Variants in PTPRT observed in about 807,000 individuals in gnomAD.
PTPRT encodes protein tyrosine phosphatase receptor type T.
A neutral mutation model predicts 176.8 loss-of-function variants in PTPRT; 56 were observed. The ratio of observed to expected loss-of-function variants is 0.32; its 90% CI spans 0.26 to 0.40. The LOEUF is 0.40. PTPRT is among the 10% of genes least tolerant of loss of function. The pLI, the probability that PTPRT is intolerant of heterozygous loss-of-function variation, is 1.00. For missense variants in PTPRT, 1,540 were observed against 1,908.2 expected (o/e 0.81, Z 3.60); for synonymous variants, 783 against 739.0 (o/e 1.06, Z -0.96).
intron 7 of PTPRT, among the ~76,000 whole-genome samples, chr20:42,535,930 C>T (rs555503838): frequency 6.6e-6 from 1 of 152,258 alleles, no homozygotes; most frequent in South Asian, 2.1e-4. Context: ...ATCCTGAGTT[C>T]AGTGACCTCA....
rs753107257 is a variant in PTPRT at position 42,098,412 on chromosome 20, T to G, written c.3846+9A>C. The stretch of plus-strand genomic sequence containing the variant: ...GACCCACCTAGGGCTTGGCTTGGCC[T>G]CCTCCTACCTGGGCAGTGTCCATCT... On this transcript the variant is annotated intron_variant, in intron 27 of 30. Transcript: ENST00000373187. 4 of 1,613,864 alleles carry G rather than the reference T, an allele frequency of 2.5e-6. No individual in the cohort carries two copies. The South Asian group carries it at 4.4e-5, about 18-fold the overall frequency.
At chr20:42,660,739 T>C (rs1255435705) in intron 7 of PTPRT, among the ~76,000 whole-genome samples, 2 of 152,202 alleles carry the variant, frequency 1.3e-5, no homozygotes, top group African/African-American at 4.8e-5. Flanking sequence ...TAACGATCCC[T>C]GGGGAGTATA....
intron 1 of PTPRT, among the ~76,000 whole-genome samples, chr20:43,090,425 G>A (rs575560546): frequency 8.1e-4 from 123 of 152,070 alleles, no homozygotes; most frequent in Non-Finnish European, 1.4e-3. Flanking sequence ...CCGCCACCAC[G>A]CCTGGCTAAT....
At chr20:42,278,845 T>C (rs761379404) in intron 13 of PTPRT, among the ~76,000 whole-genome samples, 13 of 152,074 alleles carry the variant, frequency 8.5e-5, no homozygotes, top group Non-Finnish European at 1.5e-4. Context: ...TCTAAGTCCC[T>C]ACCCCAAGCT....
intron 9 of PTPRT, among the ~76,000 whole-genome samples, chr20:42,431,398 G>A (rs906453954): frequency 4.0e-5 from 6 of 151,788 alleles, no homozygotes; most frequent in African/African-American, 7.3e-5. Context: ...AGAAAATTAC[G>A]GTATATACAC....
chr20:42,448,071 T>G, intron 9 of PTPRT, 149 bp downstream of exon 9: 1 of 675,336 alleles, frequency 1.5e-6, no homozygotes, highest in Non-Finnish European at 2.6e-6. Flanking sequence ...TGCCATTATG[T>G]TTGCACCCCA....
chr20:42,475,846 T>C (rs1052726787), intron 7 of PTPRT, among the ~76,000 whole-genome samples: 2 of 152,168 alleles, frequency 1.3e-5, no homozygotes, highest in African/African-American at 2.4e-5. Flanking sequence ...AAGACAAGGA[T>C]ATCGTGATCT....
At chr20:42,640,551 G>C (rs1038211641) in intron 7 of PTPRT, among the ~76,000 whole-genome samples, 5 of 151,968 alleles carry the variant, frequency 3.3e-5, no homozygotes, top group Non-Finnish European at 7.4e-5. Context: ...ACCATGCCCA[G>C]CTAATTTTTT....
intron 15 of PTPRT, among the ~76,000 whole-genome samples, chr20:42,231,662 G>A (rs748857818): frequency 5.3e-5 from 8 of 152,096 alleles, no homozygotes; most frequent in Non-Finnish European, 1.0e-4. Flanking sequence ...GCAAGAATTG[G>A]CAAACTGTGA....
chr20:42,539,282 A>C (rs1045571902), intron 7 of PTPRT, among the ~76,000 whole-genome samples: 4 of 152,024 alleles, frequency 2.6e-5, no homozygotes, highest in Admixed American at 2.6e-4. Flanking sequence ...ATCACCAGGG[A>C]ATTATGTGAA....
chr20:42,208,098 A>G (rs2055519852), intron 15 of PTPRT, among the ~76,000 whole-genome samples: 1 of 130,040 alleles, frequency 7.7e-6, no homozygotes, highest in Non-Finnish European at 1.6e-5. Flanking sequence ...ATGCTGAGAG[A>G]TTTTGTCACC....
chr20:42,780,179 A>C (rs964506648), intron 4 of PTPRT, 39 bp downstream of exon 4: 1 of 1,526,388 alleles, frequency 6.6e-7, no homozygotes, highest in African/African-American at 1.4e-5. Flanking sequence ...CCAGTCTGGC[A>C]TGGATCAAGG....
chr20:42,981,134 A>G (rs1872190260), intron 1 of PTPRT, among the ~76,000 whole-genome samples: 1 of 152,248 alleles, frequency 6.6e-6, no homozygotes, highest in African/African-American at 2.4e-5. Flanking sequence ...CGACCTGATT[A>G]CAATGGTCTT....
chr20:42,304,621 G>A (rs1301794432), intron 12 of PTPRT, among the ~76,000 whole-genome samples: 1 of 152,040 alleles, frequency 6.6e-6, no homozygotes, highest in Non-Finnish European at 1.5e-5. Context: ...AAAATGCTGA[G>A]GTGAAACAAA....
chr20:42,581,063 C>A (rs924682534), intron 7 of PTPRT, among the ~76,000 whole-genome samples: 6 of 152,094 alleles, frequency 3.9e-5, no homozygotes, highest in African/African-American at 1.4e-4. Flanking sequence ...CAGCTCTAGG[C>A]CCCCTAGCTT....
intron 15 of PTPRT, among the ~76,000 whole-genome samples, chr20:42,212,557 C>G (rs1454334421): frequency 6.6e-6 from 1 of 152,040 alleles, no homozygotes; most frequent in African/African-American, 2.4e-5. Flanking sequence ...TGGTGCCAGA[C>G]AGCCTGGCAT....
At chr20:42,684,473 G>A (rs1468469806) in intron 6 of PTPRT, among the ~76,000 whole-genome samples, 2 of 152,172 alleles carry the variant, frequency 1.3e-5, no homozygotes, top group East Asian at 1.9e-4. Context: ...GGTTGAGGGT[G>A]GCAACAAAGA....
intron 7 of PTPRT, among the ~76,000 whole-genome samples, chr20:42,562,220 C>T (rs6016829): frequency 0.24 from 36,310 of 152,098 alleles, 4,915 homozygotes; most frequent in African/African-American, 0.36. Context: ...ATAGAGAATA[C>T]ATTTCCAGCC....
At chr20:42,860,047 A>C (rs2078635354) in intron 2 of PTPRT, among the ~76,000 whole-genome samples, 1 of 152,204 alleles carries the variant, frequency 6.6e-6, no homozygotes, top group African/African-American at 2.4e-5. Flanking sequence ...TATGTTTTCC[A>C]AATTTTACAT....
Sources: gnomAD v4.1 joint callset for allele counts (sites outside exome capture counted in the v4.1 genomes callset) on GRCh38, gnomAD v4.1.1 for gene constraint, MANE v1.5 for transcripts, NCBI Gene and HGNC (gene_info 2026-07-23, HGNC 2026-07-21) for gene names.